The following GLRA2 variants were observed in gnomAD, a reference collection of about 807,000 sequenced individuals.
GLRA2 encodes the protein glycine receptor alpha 2.
A neutral mutation model predicts 31.6 loss-of-function variants in GLRA2; 11 were observed. The observed-to-expected ratio is 0.35, with a 90% CI of 0.22 to 0.58. The LOEUF (loss-of-function observed/expected upper bound fraction) is 0.58. Ranked by LOEUF, GLRA2 falls within the 20% of genes least tolerant of loss-of-function variation. The pLI, the probability that GLRA2 is intolerant of heterozygous loss-of-function variation, is 0.84. For missense variants in GLRA2, 212 were observed against 351.8 expected, an observed-to-expected ratio of 0.60 and a Z score of 3.18; for synonymous variants, 132 against 134.0, an observed-to-expected ratio of 0.99 and a Z score of 0.10.
chrX:14,524,341 T>C (rs2089180900), upstream of GLRA2, among the ~76,000 whole-genome samples: 1 of 111,961 alleles, frequency 8.9e-6, no homozygotes, highest in African/African-American at 3.2e-5. Context: ...TCTAGAAATC[T>C]ATTTTAATCT....
chrX:14,559,863 C>A (rs2089703279), intron 2 of GLRA2, among the ~76,000 whole-genome samples: 1 of 111,597 alleles, frequency 9.0e-6, no homozygotes, highest in African/African-American at 3.3e-5. Context: ...TAAAAAATTT[C>A]TCTATTCTTT....
chrX:14,622,120 A>T (rs1452161080), intron 7 of GLRA2, among the ~76,000 whole-genome samples: 1 of 112,502 alleles, frequency 8.9e-6, no homozygotes, highest in Non-Finnish European at 1.9e-5. Flanking sequence ...AGTGATGATG[A>T]GCATTTTTTC....
At chrX:14,702,948 C>T (rs2091565766) in intron 8 of GLRA2, among the ~76,000 whole-genome samples, 1 of 111,140 alleles carries the variant, frequency 9.0e-6, no homozygotes, top group Non-Finnish European at 1.9e-5. Context: ...AGGGGGCTCA[C>T]TTGTCTAGGT....
In GLRA2 at chrX:14,532,372, G is replaced by A; in HGVS notation, c.202G>A (p.Gly68Ser). The change falls in exon 2 of 9, where the codon GGT becomes AGT. Residue 68 changes from glycine (G) to serine (S), a missense_variant and splice_region_variant. Transcript: ENST00000218075. ...TGCAAGAATCAGGCCAAATTTTAAA[G>A]GTAGGTTCCACTTAAACTTACGTTA... Reference protein sequence around the residue: ...YDARIRPNFKGPPVNVTCNIF... With the variant: ...YDARIRPNFKSPPVNVTCNIF... 8.6e-7 allele frequency: 1 copy of A among 1,167,382 alleles called. No individual in the cohort carries two copies. Among genetic ancestry groups the A allele is most frequent in the Non-Finnish European group, 1.2e-6 (1 of 865,475 alleles).
intron 8 of GLRA2, among the ~76,000 whole-genome samples, chrX:14,714,533 C>A (rs1454556521): frequency 1.8e-5 from 2 of 111,713 alleles, no homozygotes; most frequent in Non-Finnish European, 3.8e-5. Flanking sequence ...TGCCGCCACC[C>A]CAGCCATTTA....
chrX:14,537,971 C>A (rs1356673247), intron 2 of GLRA2, among the ~76,000 whole-genome samples: 1 of 106,854 alleles, frequency 9.4e-6, no homozygotes, highest in Admixed American at 9.9e-5. Flanking sequence ...GTTCATACAG[C>A]TTTTGTGTGC....
intron 7 of GLRA2, among the ~76,000 whole-genome samples, chrX:14,663,672 A>G (rs926705611): frequency 4.5e-5 from 5 of 111,892 alleles, no homozygotes; most frequent in Non-Finnish European, 9.4e-5. Flanking sequence ...ATAATTTATT[A>G]TAAGAAAATC....
chrX:14,460,200 C>A, the GLRA2 span, among the ~76,000 whole-genome samples: 1 of 111,677 alleles, frequency 9.0e-6, no homozygotes, highest in Admixed American at 9.5e-5. Context: ...GTTGTACCAG[C>A]CTTGTATCCC....
the GLRA2 span, among the ~76,000 whole-genome samples, chrX:14,487,925 C>T: frequency 9.0e-6 from 1 of 111,726 alleles, no homozygotes; most frequent in Admixed American, 9.5e-5. Flanking sequence ...TTTTTCTTGC[C>T]TCCATAGAGC....
At chrX:14,581,643 C>T (rs1266144311) in intron 4 of GLRA2, among the ~76,000 whole-genome samples, 1 of 110,944 alleles carries the variant, frequency 9.0e-6, no homozygotes, top group Non-Finnish European at 1.9e-5. Flanking sequence ...GTGTAATCAC[C>T]TGCACAAATG....
At chrX:14,511,050 G>A in the GLRA2 span, among the ~76,000 whole-genome samples, 13 of 111,044 alleles carry the variant, frequency 1.2e-4, no homozygotes, top group African/African-American at 4.3e-4. Flanking sequence ...CTAGCATTAG[G>A]TATATCTCCC....
chrX:14,661,097 CATGAATGAATGAATGA>C (rs552553651), intron 7 of GLRA2, among the ~76,000 whole-genome samples: 4 of 108,325 alleles, frequency 3.7e-5, no homozygotes, highest in South Asian at 4.0e-4. Flanking sequence ...AAAGATGCTA[CATGAATGAATGAATGA>C]ATGAATGAAT....
chrX:14,553,277 T>C (rs1211999193), intron 2 of GLRA2, among the ~76,000 whole-genome samples: 2 of 111,896 alleles, frequency 1.8e-5, no homozygotes, highest in African/African-American at 6.5e-5. Flanking sequence ...AGCCTTCAAT[T>C]GCTGATTATA....
At chrX:14,501,330 G>A in the GLRA2 span, among the ~76,000 whole-genome samples, 7,462 of 111,719 alleles carry the variant, frequency 0.067, 284 homozygotes, top group Non-Finnish European at 0.1. Flanking sequence ...GGTGGGCTAC[G>A]CATCCATAAA....
chrX:14,626,940 C>G (rs1235806636), intron 7 of GLRA2, among the ~76,000 whole-genome samples: 1 of 111,335 alleles, frequency 9.0e-6, no homozygotes, highest in Non-Finnish European at 1.9e-5. Context: ...ATCTATGGTA[C>G]TCAAACCAGA....
chrX:14,460,832 G>T, the GLRA2 span, among the ~76,000 whole-genome samples: 1 of 110,213 alleles, frequency 9.1e-6, no homozygotes, highest in Admixed American at 9.8e-5. Flanking sequence ...GATTTTTTTT[G>T]AAGGGTTTTT....
the GLRA2 span, among the ~76,000 whole-genome samples, chrX:14,502,398 C>T: frequency 8.9e-6 from 1 of 111,996 alleles, no homozygotes. Flanking sequence ...TACAAATACA[C>T]ATAATACATA....
chrX:14,493,660 CAT>C, the GLRA2 span, among the ~76,000 whole-genome samples: 21 of 94,364 alleles, frequency 2.2e-4, no homozygotes, highest in South Asian at 3.2e-3. Context: ...CATATGTACA[CAT>C]ATATATGTAT....
At chrX:14,594,945 A>G (rs1467211550) in intron 4 of GLRA2, among the ~76,000 whole-genome samples, 3 of 44,971 alleles carry the variant, frequency 6.7e-5, no homozygotes, top group Non-Finnish European at 2.3e-4. Context: ...AACAGGAAAA[A>G]AAAAAAAAAA....
Sources: allele counts gnomAD v4.1 joint callset (sites outside exome capture counted in the v4.1 genomes callset), GRCh38; gene constraint gnomAD v4.1.1; transcripts MANE v1.5; gene names NCBI Gene and HGNC (gene_info 2026-07-23, HGNC 2026-07-21).